The following CACNA1E variants were observed in gnomAD, a reference collection of about 807,000 sequenced individuals.
The protein encoded by CACNA1E is voltage-dependent R-type calcium channel subunit alpha-1E.
A neutral mutation model predicts 259.2 loss-of-function variants in CACNA1E; 40 were observed. The observed-to-expected ratio is 0.15, with a 90% CI of 0.12 to 0.20. CACNA1E has a LOEUF of 0.20. Ranked by LOEUF, CACNA1E falls within the 10% of genes least tolerant of loss-of-function variation. The pLI, the probability that CACNA1E is intolerant of heterozygous loss-of-function variation, is 1.00. For synonymous variants in CACNA1E, 1,104 were observed against 1,138.5 expected (o/e 0.97, Z 0.61); for missense variants, 1,874 against 3,040.1 (o/e 0.62, Z 9.02).
chr1:181,476,208 T>C (rs1427661097), intron 2 of CACNA1E, among the ~76,000 whole-genome samples: 2 of 152,174 alleles, frequency 1.3e-5, no homozygotes, highest in African/African-American at 4.8e-5. Flanking sequence ...GGGGCAGAGC[T>C]AGTAAATGGC....
chr1:181,757,149 G>A, intron 30 of CACNA1E, 23 bp downstream of exon 30: 1 of 1,569,024 alleles, frequency 6.4e-7, no homozygotes, highest in Non-Finnish European at 8.8e-7. Context: ...GGTCTAAAGT[G>A]GGGAGCAGCA....
chr1:181,601,702 G>A (rs1653763236), intron 6 of CACNA1E, among the ~76,000 whole-genome samples: 1 of 152,172 alleles, frequency 6.6e-6, no homozygotes, highest in Admixed American at 6.5e-5. Context: ...AGTTAGTGCA[G>A]TCTCTCCCTG....
chr1:181,459,575 G>A (rs1039486797), intron 2 of CACNA1E, among the ~76,000 whole-genome samples: 3 of 152,232 alleles, frequency 2.0e-5, no homozygotes, highest in Admixed American at 6.5e-5. Context: ...GGGGAAGGAC[G>A]TGGAAGATAC....
chr1:181,444,285 C>T (rs17493453), intron 2 of CACNA1E, among the ~76,000 whole-genome samples: 9,268 of 151,004 alleles, frequency 0.061, 454 homozygotes, highest in Middle Eastern at 0.17. Flanking sequence ...AGCATTCACT[C>T]AACAGAGTAG....
At chr1:181,672,968 C>T (rs549478860) in intron 7 of CACNA1E, among the ~76,000 whole-genome samples, 1 of 152,016 alleles carries the variant, frequency 6.6e-6, no homozygotes, top group Admixed American at 6.6e-5. Flanking sequence ...GGCCTGGGTT[C>T]CCTGAAAGAC....
intron 7 of CACNA1E, among the ~76,000 whole-genome samples, chr1:181,710,143 C>T (rs1253092148): frequency 6.6e-6 from 1 of 152,138 alleles, no homozygotes; most frequent in Non-Finnish European, 1.5e-5. Flanking sequence ...CTATCTTCTT[C>T]CTGACCCTGA....
intron 43 of CACNA1E, among the ~76,000 whole-genome samples, chr1:181,786,609 T>A (rs200596348): frequency 1.3e-5 from 2 of 152,342 alleles, no homozygotes; most frequent in East Asian, 3.9e-4. Flanking sequence ...ATTAATCTAC[T>A]ATAGCATATG....
chr1:181,675,916 A>C (rs1205207243), intron 7 of CACNA1E, among the ~76,000 whole-genome samples: 1 of 152,194 alleles, frequency 6.6e-6, no homozygotes, highest in Non-Finnish European at 1.5e-5. Context: ...AACCCATTGC[A>C]AGCCAGGCTG....
In CACNA1E at chr1:181,804,198, C is replaced by G. The variant is rs1276972739; in HGVS notation, c.*5364C>G. ...TGGTTGGTGGCTGGGTTTCTTGTAA[C>G]AGACCTATTCTGGAATAGCAAAGAA... On this transcript the variant is annotated 3_prime_UTR_variant, in exon 48 of 48. Coordinates refer to ENST00000367573, the MANE Select transcript of CACNA1E (RefSeq NM_001205293.3). The G allele has an allele frequency of 6.6e-6, 1 of 152,122 alleles. No homozygotes were observed. The highest frequency in any genetic ancestry group is 1.5e-5 in the Non-Finnish European group (1 of 68,028). The allele number at this position is 152,122 out of a possible 1,614,324, so 9.4% of individuals were successfully genotyped here. A position where few individuals can be genotyped will look rare whatever the true frequency, so the allele number is the denominator to read the frequency against.
intron 2 of CACNA1E, among the ~76,000 whole-genome samples, chr1:181,475,584 T>G (rs1022023519): frequency 6.6e-6 from 1 of 152,202 alleles, no homozygotes; most frequent in Non-Finnish European, 1.5e-5. Flanking sequence ...ACACGTTTGT[T>G]TATGTACCTC....
chr1:181,365,308 T>C (rs1041194317), intron 1 of CACNA1E, among the ~76,000 whole-genome samples: 1 of 152,200 alleles, frequency 6.6e-6, no homozygotes, highest in Admixed American at 6.5e-5. Flanking sequence ...GGTGGGACTA[T>C]GGGCATGTAC....
At position 181,340,958 on chromosome 1, in the gene CACNA1E, G is replaced by A. The variant is rs145450371; in HGVS notation, c.-15+22835G>A. Reference sequence around the variant, plus strand: ...TTACCTTGAGATGTTGACAAAGAGGGTGTCTATTTGTGTCCATTTTGAAGT... The same window carrying A: ...TTACCTTGAGATGTTGACAAAGAGGATGTCTATTTGTGTCCATTTTGAAGT... On this transcript the variant is annotated intron_variant, in intron 1 of 11. Coordinates refer to the CACNA1E transcript ENST00000524607. Among the ~76,000 whole-genome samples, 535 of 152,200 alleles carry A rather than the reference G, an allele frequency of 3.5e-3. 2 individuals are homozygous for A. Among genetic ancestry groups the A allele is most frequent in the Non-Finnish European group, 6.3e-3 (431 of 68,010 alleles).
upstream of CACNA1E, among the ~76,000 whole-genome samples, chr1:181,479,936 C>T (rs1404305635): frequency 6.6e-6 from 1 of 152,162 alleles, no homozygotes; most frequent in Admixed American, 6.5e-5. Context: ...GAGTCAGGCT[C>T]AGCTGTGGGG....
intron 6 of CACNA1E, among the ~76,000 whole-genome samples, chr1:181,617,840 G>T (rs1203631358): frequency 6.6e-6 from 1 of 152,222 alleles, no homozygotes; most frequent in Non-Finnish European, 1.5e-5. Context: ...GACTCCGTTG[G>T]ATGTGCCATT....
chr1:181,435,368 TC>T (rs1461565581), intron 2 of CACNA1E, among the ~76,000 whole-genome samples: 3 of 152,178 alleles, frequency 2.0e-5, no homozygotes, highest in Non-Finnish European at 4.4e-5. Flanking sequence ...ATCTAATTGC[TC>T]CCCCTACTGA....
At position 181,708,605 on chromosome 1, in the gene CACNA1E, A is replaced by T. The variant is rs76815459; in HGVS notation, c.1056-2349A>T. Among the ~76,000 whole-genome samples the T allele has an allele frequency of 1.2e-4, 18 of 152,324 alleles. No homozygotes were observed. In the East Asian group the frequency reaches 3.3e-3, roughly 28 times the overall value. ...GAGAAATCAAGACACAGACCTATGA[A>T]AAGGTAAAGTAACATATAAAAATGC... On this transcript the variant is annotated intron_variant, in intron 7 of 47. Transcript: ENST00000367573.
chr1:181,721,703 C>G, intron 15 of CACNA1E, 55 bp from the exon 16 acceptor site: 1 of 1,147,628 alleles, frequency 8.7e-7, no homozygotes, highest in Non-Finnish European at 1.3e-6. Flanking sequence ...TGGCATTGGC[C>G]CCATTTTCTC....
intron 2 of CACNA1E, among the ~76,000 whole-genome samples, chr1:181,446,910 A>T (rs1660825860): frequency 6.6e-6 from 1 of 152,052 alleles, no homozygotes; most frequent in South Asian, 2.1e-4. Context: ...CAGTATTCTT[A>T]GGAGTGCTGT....
chr1:181,382,446 A>G (rs868218738), intron 1 of CACNA1E, among the ~76,000 whole-genome samples: 2 of 152,148 alleles, frequency 1.3e-5, no homozygotes, highest in Non-Finnish European at 2.9e-5. Context: ...ATCAGCTAAG[A>G]TGTTCTTTGA....
Sources: gnomAD v4.1 joint callset for allele counts (sites outside exome capture counted in the v4.1 genomes callset) on GRCh38, gnomAD v4.1.1 for gene constraint, MANE v1.5 for transcripts, NCBI Gene and HGNC (gene_info 2026-07-23, HGNC 2026-07-21) for gene names.